The following NFX1 variants were observed in gnomAD, a reference collection of about 807,000 sequenced individuals.
NFX1 encodes the protein transcriptional repressor NF-X1.
In NFX1, 69 loss-of-function variants were observed where a neutral mutation model predicts 137.2. That is an observed-to-expected ratio of 0.50 (90% confidence interval 0.41 to 0.61). The LOEUF is 0.61. NFX1 is among the 20% of genes least tolerant of loss of function. The pLI is 0.00. For missense variants in NFX1, 1,167 were observed against 1,391.0 expected (o/e 0.84, Z 2.56); for synonymous variants, 495 against 474.1 (o/e 1.04, Z -0.57).
At chr9:33,362,370 C>G (rs531395133) in intron 19 of NFX1, among the ~76,000 whole-genome samples, 105 of 152,016 alleles carry the variant, frequency 6.9e-4, no homozygotes, top group African/African-American at 2.4e-3. Flanking sequence ...ACTGAAGTGG[C>G]CAACATGGCT....
intron 13 of NFX1, 33 bp from the exon 14 acceptor site, chr9:33,344,036 A>G (rs1343240898): frequency 6.2e-7 from 1 of 1,613,276 alleles, no homozygotes; most frequent in Non-Finnish European, 8.5e-7. Flanking sequence ...AAACTCAGAA[A>G]GGATTCTTTT....
chr9:33,354,751 T>G (rs1318932968), intron 18 of NFX1, 100 bp from the exon 19 acceptor site: 3 of 1,131,794 alleles, frequency 2.7e-6, no homozygotes, highest in Non-Finnish European at 3.7e-6. Context: ...TTGGCAAGAG[T>G]CAGCTGTGCT....
intron 6 of NFX1, among the ~76,000 whole-genome samples, chr9:33,311,968 CTT>C (rs932046271): frequency 4.6e-5 from 7 of 152,200 alleles, no homozygotes; most frequent in African/African-American, 1.7e-4. Flanking sequence ...ATCTAAGAGT[CTT>C]TTAATGAATA....
intron 19 of NFX1, among the ~76,000 whole-genome samples, chr9:33,357,382 G>A (rs1049979345): frequency 1.3e-5 from 2 of 152,010 alleles, no homozygotes; most frequent in African/African-American, 4.8e-5. Context: ...CTGTTCAACT[G>A]CACTAGTATC....
chr9:33,364,635 G>A (rs1479842923), intron 20 of NFX1, 73 bp from the exon 21 acceptor site: 1 of 1,535,038 alleles, frequency 6.5e-7, no homozygotes, highest in Non-Finnish European at 8.8e-7. Context: ...ACGCTTTACA[G>A]GGAGAGGATG....
At position 33,367,573 on chromosome 9, in the gene NFX1, G is replaced by T. The variant is rs1406029307; in HGVS notation, c.3244G>T (p.Ala1082Ser). ...LTGVLEREMQARPPPPIPHHR... is the reference protein window; with the variant it reads ...LTGVLEREMQSRPPPPIPHHR... ...AGGTGTGCTTGAAAGGGAAATGCAGGCACGGCCTCCACCACCGATTCCTCA... is the reference window on the plus strand; with the variant it reads ...AGGTGTGCTTGAAAGGGAAATGCAGTCACGGCCTCCACCACCGATTCCTCA... Residue 1082 changes from alanine to serine, a missense_variant, in exon 23 of 24, where the codon GCA becomes TCA. Ala to Ser is a moderately conservative substitution (Grantham distance 99, BLOSUM62 1). Coordinates refer to ENST00000379540, the MANE Select transcript of NFX1 (RefSeq NM_002504.6). The T allele has an allele frequency of 5.0e-6, 8 of 1,613,854 alleles. No individual in the cohort carries two copies. The highest frequency in any genetic ancestry group is 1.6e-4 in the Middle Eastern group (1 of 6,062).
intron 21 of NFX1, chr9:33,365,225 G>A (rs1282230958): frequency 6.3e-6 from 1 of 157,936 alleles, no homozygotes; most frequent in African/African-American, 2.4e-5. Context: ...TGTGAGCTGA[G>A]ATTCTGCCAC....
chr9:33,369,812 C>A, intron 23 of NFX1, 94 bp from the exon 24 acceptor site: 1 of 883,826 alleles, frequency 1.1e-6, no homozygotes, highest in Non-Finnish European at 1.8e-6. Context: ...TTAAGATTCA[C>A]AAATGGTAAA....
intron 5 of NFX1, among the ~76,000 whole-genome samples, chr9:33,310,695 A>G (rs764462285): frequency 3.2e-4 from 48 of 152,144 alleles, no homozygotes; most frequent in Non-Finnish European, 5.3e-4. Context: ...GACCAGGTAG[A>G]TTTGAGTTCT....
intron 3 of NFX1, among the ~76,000 whole-genome samples, chr9:33,302,709 GC>G (rs1381767661): frequency 4.1e-5 from 6 of 147,366 alleles, no homozygotes; most frequent in Non-Finnish European, 9.0e-5. Context: ...TCACTCTGTT[GC>G]CCAGGCTGGA....
Position 33,370,095 on chromosome 9 carries a change from C to G in NFX1, c.*117C>G. The G allele has an allele frequency of 4.2e-6, 3 of 717,194 alleles. No individual in the cohort carries two copies. Among genetic ancestry groups the G allele is most frequent in the Non-Finnish European group, 4.8e-6 (2 of 416,934 alleles). The allele number at this position is 717,194 out of a possible 1,614,324, so 44.4% of individuals were successfully genotyped here. A position where few individuals can be genotyped will look rare whatever the true frequency, so the allele number is the denominator to read the frequency against. On this transcript the variant is annotated 3_prime_UTR_variant, in exon 24 of 24. Coordinates refer to ENST00000379540, the MANE Select transcript of NFX1 (RefSeq NM_002504.6). ...GCAGAATCACAGTCTCACATACTGT[C>G]TTGTACTGACACATCCAAAGCATGA...
intron 7 of NFX1, among the ~76,000 whole-genome samples, chr9:33,315,276 A>T (rs572096874): frequency 6.6e-6 from 1 of 151,992 alleles, no homozygotes; most frequent in Non-Finnish European, 1.5e-5. Context: ...GTGCAATGCA[A>T]TTATCCCCTT....
At chr9:33,351,045 G>C (rs1823617483) in intron 15 of NFX1, among the ~76,000 whole-genome samples, 1 of 152,248 alleles carries the variant, frequency 6.6e-6, no homozygotes, top group Non-Finnish European at 1.5e-5. Context: ...TCGGGAGGCT[G>C]AGGCTGGAGA....
At chr9:33,308,290 A>G (rs1488053335) in intron 5 of NFX1, among the ~76,000 whole-genome samples, 1 of 152,134 alleles carries the variant, frequency 6.6e-6, no homozygotes, top group Non-Finnish European at 1.5e-5. Flanking sequence ...AAAAAATTTA[A>G]AATTAGCCAG....
At chr9:33,324,592 T>C (rs1399174271) in intron 9 of NFX1, among the ~76,000 whole-genome samples, 1 of 151,790 alleles carries the variant, frequency 6.6e-6, no homozygotes, top group African/African-American at 2.4e-5. Flanking sequence ...AATAGTAGAT[T>C]TGAGCTGGCA....
intron 2 of NFX1, among the ~76,000 whole-genome samples, chr9:33,296,359 A>G (rs931351063): frequency 3.9e-5 from 6 of 152,038 alleles, no homozygotes; most frequent in Admixed American, 2.0e-4. Flanking sequence ...TTGTCTTTGC[A>G]TGGTGTTGCA....
chr9:33,345,721 A>G (rs1823397815), intron 14 of NFX1, among the ~76,000 whole-genome samples: 1 of 152,142 alleles, frequency 6.6e-6, no homozygotes, highest in South Asian at 2.1e-4. Flanking sequence ...TTTACAATAT[A>G]AACTTTTAAT....
At chr9:33,343,594 A>G (rs1226094310) in intron 13 of NFX1, among the ~76,000 whole-genome samples, 1 of 152,190 alleles carries the variant, frequency 6.6e-6, no homozygotes, top group Non-Finnish European at 1.5e-5. Flanking sequence ...CATTTTAGAA[A>G]GGACTTGACT....
intron 15 of NFX1, 52 bp from the exon 16 acceptor site, chr9:33,351,504 AACTC>A: frequency 1.3e-6 from 2 of 1,534,672 alleles, no homozygotes; most frequent in Non-Finnish European, 1.8e-6. Context: ...AGAAAGTTAA[AACTC>A]ACCCCAAATC....
Sources: gnomAD v4.1 joint callset for allele counts (sites outside exome capture counted in the v4.1 genomes callset) on GRCh38, gnomAD v4.1.1 for gene constraint, MANE v1.5 for transcripts, NCBI Gene and HGNC (gene_info 2026-07-23, HGNC 2026-07-21) for gene names.